CRYBG1: variants seen among roughly 807,000 people sequenced by gnomAD.
CRYBG1 encodes the protein crystallin beta-gamma domain containing 1, also known as beta/gamma crystallin domain-containing protein 1.
In CRYBG1, 139 loss-of-function variants were observed where a neutral mutation model predicts 189.2. The observed-to-expected ratio is 0.73, with a 90% CI of 0.64 to 0.85. CRYBG1 has a LOEUF of 0.85. Ranked by LOEUF, CRYBG1 falls within the 40% of genes least tolerant of loss-of-function variation. CRYBG1 has a pLI of 0.00. For missense variants in CRYBG1, 2,611 were observed against 2,675.8 expected, an observed-to-expected ratio of 0.98 and a Z score of 0.53; for synonymous variants, 1,023 against 1,017.1, an observed-to-expected ratio of 1.01 and a Z score of -0.11.
intron 1 of CRYBG1, among the ~76,000 whole-genome samples, chr6:106,392,078 T>A (rs1770518403): frequency 6.6e-6 from 1 of 152,112 alleles, no homozygotes; most frequent in African/African-American, 2.4e-5. Context: ...TAGCTGATTA[T>A]CACCCCTTAG....
chr6:106,399,189 C>G (rs1004150431), intron 1 of CRYBG1, among the ~76,000 whole-genome samples: 4 of 152,178 alleles, frequency 2.6e-5, no homozygotes, highest in African/African-American at 9.7e-5. Flanking sequence ...ACTGCTTCAC[C>G]TCAGAAAAAC....
intron 8 of CRYBG1, among the ~76,000 whole-genome samples, chr6:106,537,895 G>A (rs1774041459): frequency 1.3e-5 from 2 of 152,154 alleles, no homozygotes; most frequent in African/African-American, 4.8e-5. Context: ...TATAATTAGA[G>A]AGTCTAGAGA....
intron 3 of CRYBG1, among the ~76,000 whole-genome samples, chr6:106,518,171 A>AT (rs1469259784): frequency 6.6e-6 from 1 of 151,170 alleles, no homozygotes; most frequent in Non-Finnish European, 1.5e-5. Flanking sequence ...AAAATATTTA[A>AT]TTATGCATAT....
chr6:106,434,089 G>A (rs1771404688), intron 1 of CRYBG1, among the ~76,000 whole-genome samples: 2 of 151,866 alleles, frequency 1.3e-5, no homozygotes, highest in African/African-American at 2.4e-5. Context: ...GCTGTTATCA[G>A]AAGGCCTCAG....
chr6:106,433,782 T>A (rs1405147139), intron 1 of CRYBG1, among the ~76,000 whole-genome samples: 2 of 135,622 alleles, frequency 1.5e-5, no homozygotes, highest in African/African-American at 5.5e-5. Flanking sequence ...TGTATATATA[T>A]ATAAACATAC....
intron 2 of CRYBG1, among the ~76,000 whole-genome samples, chr6:106,482,699 G>C (rs113083603): frequency 3.9e-5 from 6 of 151,936 alleles, no homozygotes; most frequent in Admixed American, 2.0e-4. Context: ...GGCATGAACC[G>C]GGGAGACAGA....
intron 1 of CRYBG1, among the ~76,000 whole-genome samples, chr6:106,443,052 C>T (rs1167678473): frequency 1.3e-5 from 2 of 152,146 alleles, no homozygotes; most frequent in Non-Finnish European, 2.9e-5. Context: ...CACTCAGTAG[C>T]AGAGAATAAC....
chr6:106,451,658 A>C, intron 1 of CRYBG1, 36 bp from the exon 2 acceptor site: 1 of 1,493,948 alleles, frequency 6.7e-7, no homozygotes. Flanking sequence ...CATTGTTCAT[A>C]GTGTATTGAC....
intron 2 of CRYBG1, among the ~76,000 whole-genome samples, chr6:106,508,000 G>A (rs1367721962): frequency 1.3e-5 from 2 of 152,276 alleles, no homozygotes; most frequent in African/African-American, 4.8e-5. Context: ...TCATCCCAGC[G>A]CTTTGGAAGG....
intron 1 of CRYBG1, among the ~76,000 whole-genome samples, chr6:106,422,344 A>ATTTTTTTTTTTTTTTTTTTT (rs145135507): frequency 2.6e-4 from 37 of 139,978 alleles, no homozygotes; most frequent in East Asian, 1.3e-3. Context: ...TTATTTATTT[A>ATTTTTTTTTTTTTTTTTTTT]TTTTTGAGAC....
chr6:106,428,691 G>A (rs72947697), intron 1 of CRYBG1, among the ~76,000 whole-genome samples: 1 of 152,304 alleles, frequency 6.6e-6, no homozygotes, highest in Non-Finnish European at 1.5e-5. Context: ...TGGCATTTAT[G>A]TAAGGTCTTC....
chr6:106,362,143 G>C (rs1295761890), intron 1 of CRYBG1, among the ~76,000 whole-genome samples: 5 of 143,518 alleles, frequency 3.5e-5, no homozygotes, highest in South Asian at 2.2e-4. Flanking sequence ...CTAATTTTTT[G>C]TATTTTTAGT....
chr6:106,550,837 T>C (rs1774381052), intron 13 of CRYBG1, among the ~76,000 whole-genome samples: 1 of 152,148 alleles, frequency 6.6e-6, no homozygotes, highest in Non-Finnish European at 1.5e-5. Context: ...GTCCTGTTTG[T>C]TTTGTTTCCT....
chr6:106,541,250 T>A (rs566368788), intron 9 of CRYBG1: 2 of 503,376 alleles, frequency 4.0e-6, no homozygotes, highest in East Asian at 5.8e-5. Context: ...CCTGGGAGAA[T>A]CTGGGTCCAG....
intron 2 of CRYBG1, among the ~76,000 whole-genome samples, chr6:106,500,461 A>G (rs1174836609): frequency 6.7e-6 from 1 of 149,318 alleles, no homozygotes; most frequent in Non-Finnish European, 1.5e-5. Context: ...GGCTATTTGC[A>G]TGTCTTCTTT....
chr6:106,376,963 A>C (rs1035664453), intron 1 of CRYBG1, among the ~76,000 whole-genome samples: 2 of 152,188 alleles, frequency 1.3e-5, no homozygotes, highest in Non-Finnish European at 2.9e-5. Context: ...ACACTTACAG[A>C]AATATAAGCA....
chr6:106,415,458 C>CTCA (rs1320761029), intron 1 of CRYBG1, among the ~76,000 whole-genome samples: 3 of 151,952 alleles, frequency 2.0e-5, no homozygotes, highest in African/African-American at 7.3e-5. Context: ...ACTTAGTAGG[C>CTCA]TCATGCCTGT....
chr6:106,511,127 G>A (rs1320455434), intron 2 of CRYBG1, among the ~76,000 whole-genome samples: 1 of 152,120 alleles, frequency 6.6e-6, no homozygotes, highest in Non-Finnish European at 1.5e-5. Context: ...GAGAGGGCAA[G>A]GAACTATTTA....
Position 106,522,754 on chromosome 6 carries a change from G to T in CRYBG1, c.4245+1301G>T, listed in dbSNP as rs192039982. Among the ~76,000 whole-genome samples, 27 of 152,284 alleles carry T rather than the reference G, an allele frequency of 1.8e-4. No individual in the cohort carries two copies. The East Asian group carries it at 5.2e-3, about 29-fold the overall frequency. On this transcript the variant is annotated intron_variant, in intron 4 of 21. Coordinates refer to ENST00000633556, the MANE Select transcript of CRYBG1 (RefSeq NM_001371242.2). ...TTCCTCGTCTGTACAGGGTACTGCA[G>T]CATGGTTCAATGTATTGTATTGGCT...
Sources: allele counts gnomAD v4.1 joint callset (sites outside exome capture counted in the v4.1 genomes callset), GRCh38; gene constraint gnomAD v4.1.1; transcripts MANE v1.5; gene names NCBI Gene and HGNC (gene_info 2026-07-23, HGNC 2026-07-21).